ABCC3: variants seen among roughly 807,000 people sequenced by gnomAD.
The protein encoded by ABCC3 is ATP binding cassette subfamily C member 3, also known as ATP-binding cassette sub-family C member 3.
In ABCC3, 121 loss-of-function variants were observed where a neutral mutation model predicts 165.3. That is an observed-to-expected ratio of 0.73 (90% CI 0.63 to 0.85). The LOEUF is 0.85. Ranked by LOEUF, ABCC3 falls within the 40% of genes least tolerant of loss-of-function variation. The pLI, the probability that ABCC3 is intolerant of heterozygous loss-of-function variation, is 0.00. For synonymous variants in ABCC3, 733 were observed against 810.1 expected, an observed-to-expected ratio of 0.90 and a Z score of 1.62; for missense variants, 1,869 against 1,964.1, an observed-to-expected ratio of 0.95 and a Z score of 0.92.
rs773964427 is a variant in ABCC3 at position 50,635,677 on chromosome 17, G to A, written c.45+696G>A. The A allele has an allele frequency of 3.5e-5, 24 of 685,962 alleles. No homozygotes were observed. In the East Asian group the frequency reaches 6.5e-4, roughly 19 times the overall value. The allele number at this position is 685,962 out of a possible 1,614,324, so 42.5% of individuals were successfully genotyped here. ...AAAGGGAGGCCCAGAGAGAGGAAGGGACTTGCCCAAAGTTACCCAGTTCAA... is the reference window on the plus strand; with the variant it reads ...AAAGGGAGGCCCAGAGAGAGGAAGGAACTTGCCCAAAGTTACCCAGTTCAA... On this transcript the variant is annotated intron_variant, in intron 1 of 30. Transcript: ENST00000285238.
intron 1 of ABCC3, among the ~76,000 whole-genome samples, chr17:50,647,716 G>A (rs1284621855): frequency 1.3e-5 from 2 of 152,200 alleles, no homozygotes; most frequent in African/African-American, 4.8e-5. Context: ...GGGAGGTCCT[G>A]CATAAAGTCT....
At position 50,684,859 on chromosome 17, in the gene ABCC3, G is replaced by A. The variant is rs762759422; in HGVS notation, c.4264G>A (p.Gly1422Ser). Residue 1422 changes from glycine (G) to serine (S), a missense_variant, in exon 29 of 31, where the codon GGC becomes AGC. Physicochemically the swap from Gly to Ser is moderately conservative, Grantham distance 56. Coordinates refer to ENST00000285238, the MANE Select transcript of ABCC3 (RefSeq NM_003786.4). Reference sequence around the variant, plus strand: ...AGGCCTGGACTTCCAGTGCTCAGAGGGCGGGGAGAATCTCAGGTAAACACT... The same window carrying A: ...AGGCCTGGACTTCCAGTGCTCAGAGAGCGGGGAGAATCTCAGGTAAACACT... ...PAGLDFQCSE[G>S]GENLSVGQRQ... 6.2e-7 allele frequency: 1 copy of A among 1,614,070 alleles called. No individual in the cohort carries two copies. Among genetic ancestry groups the A allele is most frequent in the African/African-American group, 1.3e-5 (1 of 75,048 alleles).
chr17:50,672,080 A>C lies in ABCC3; in HGVS notation c.2242-891A>C, dbSNP rs572902281. 3.3e-5 allele frequency among the ~76,000 whole-genome samples: 5 copies of C among 152,150 alleles called. No individual in the cohort carries two copies. The South Asian group carries it at 1.0e-3, about 32-fold the overall frequency. ...GTCCCACTCCCCCAGTAACCCATTC[A>C]CGCATCAACCTATTAATCCATAAAT... is the stretch of plus-strand genomic sequence containing the variant. On this transcript the variant is annotated intron_variant, in intron 17 of 30. Coordinates refer to ENST00000285238, the MANE Select transcript of ABCC3 (RefSeq NM_003786.4).
intron 7 of ABCC3, among the ~76,000 whole-genome samples, chr17:50,660,121 G>C (rs2146610284): frequency 6.6e-6 from 1 of 152,278 alleles, no homozygotes; most frequent in African/African-American, 2.4e-5. Flanking sequence ...TCATATCACT[G>C]CACCACCCTG....
chr17:50,686,845 G>C (rs1344703381), intron 29 of ABCC3, among the ~76,000 whole-genome samples: 1 of 152,190 alleles, frequency 6.6e-6, no homozygotes, highest in Non-Finnish European at 1.5e-5. Flanking sequence ...TACTCCGGCT[G>C]TGGTGACTCA....
chr17:50,643,809 A>G, intron 1 of ABCC3: 1 of 359,716 alleles, frequency 2.8e-6, no homozygotes, highest in South Asian at 2.1e-5. Context: ...GCTGTGGGGG[A>G]AGGGAGCAAT....
At position 50,676,564 on chromosome 17, in the gene ABCC3, G is replaced by A. The variant is rs1054542360; in HGVS notation, c.3354G>A (p.Leu1118=). The A allele has an allele frequency of 6.2e-7, 1 of 1,612,722 alleles. No homozygotes were observed. Among genetic ancestry groups the A allele is most frequent in the African/African-American group, 1.3e-5 (1 of 75,002 alleles). The part of the protein sequence containing the change: ...TPLFTVVILP[L]AVLYTLVQRF... ...TCTTCACTGTGGTCATCCTGCCCCT[G>A]GCTGTGCTCTACACCTTAGTGCAGG... The change falls in exon 23 of 31, where the codon CTG becomes CTA. Residue 1118 remains leucine (L), a synonymous_variant. Transcript: ENST00000285238.
chr17:50,673,716 G>T, intron 19 of ABCC3, 58 bp downstream of exon 19: 9 of 1,567,894 alleles, frequency 5.7e-6, no homozygotes, highest in Non-Finnish European at 7.9e-6. Context: ...CCCCTGTCTG[G>T]GGTCTCTGAG....
chr17:50,658,087 G>A lies in ABCC3; in HGVS notation c.492G>A (p.Glu164=). 1 of 1,614,142 alleles carries A rather than the reference G, an allele frequency of 6.2e-7. No homozygotes were observed. ...CCCTCCACTCTCCCACCCAGGGTGA[G>A]ATCTCAGACCCCTTCCGCTTCACCA... ...SKILLAKAEG[E]ISDPFRFTTF... The change falls in exon 5 of 31, where the codon GAG becomes GAA. Residue 164 remains glutamate (E), a synonymous_variant. Transcript: ENST00000285238.
chr17:50,668,354 G>T, intron 13 of ABCC3, 76 bp from the exon 14 acceptor site: 1 of 1,317,356 alleles, frequency 7.6e-7, no homozygotes, highest in Non-Finnish European at 1.1e-6. Flanking sequence ...AGCCCAGGAT[G>T]CTGGGGATGG....
At position 50,643,464 on chromosome 17, in the gene ABCC3, A is replaced by G. The variant is rs543205325; in HGVS notation, c.45+8483A>G. Reference sequence around the variant, plus strand: ...CAACTTCTGCCCACCTGGGCCTTCAATGAAATGCCCCCAGGCAGCATGTCC... The same window carrying G: ...CAACTTCTGCCCACCTGGGCCTTCAGTGAAATGCCCCCAGGCAGCATGTCC... On this transcript the variant is annotated intron_variant, in intron 1 of 30. Coordinates refer to ENST00000285238, the MANE Select transcript of ABCC3 (RefSeq NM_003786.4). 19 of 447,846 alleles carry G rather than the reference A, an allele frequency of 4.2e-5. 1 individual carries two copies. Among genetic ancestry groups the G allele is most frequent in the South Asian group, 1.4e-4 (9 of 63,858 alleles). 27.7% of individuals were successfully genotyped at this position (447,846 alleles called of 1,614,324 possible).
intron 13 of ABCC3, 51 bp from the exon 14 acceptor site, chr17:50,668,379 T>G (rs1967570683): frequency 6.6e-7 from 1 of 1,523,304 alleles, no homozygotes; most frequent in Non-Finnish European, 9.1e-7. Context: ...AGGGTAGGGG[T>G]TGGGGGTTGG....
intron 10 of ABCC3, 108 bp from the exon 11 acceptor site, chr17:50,665,044 GC>G: frequency 1.1e-6 from 1 of 886,970 alleles, no homozygotes; most frequent in South Asian, 1.4e-5. Flanking sequence ...TTTGCTTCCT[GC>G]CCATCTACAC....
intron 10 of ABCC3, 122 bp downstream of exon 10, chr17:50,664,233 A>G: frequency 2.2e-6 from 3 of 1,347,326 alleles, no homozygotes; most frequent in Non-Finnish European, 3.1e-6. Flanking sequence ...CAGGCGGCTG[A>G]GGCAAGAGGA....
intron 1 of ABCC3, among the ~76,000 whole-genome samples, chr17:50,643,111 G>A (rs1026883596): frequency 1.3e-5 from 2 of 152,246 alleles, no homozygotes; most frequent in Admixed American, 1.3e-4. Context: ...GAAAAGCAAG[G>A]AAAGGTCAGA....
intron 19 of ABCC3, among the ~76,000 whole-genome samples, 157 bp from the exon 20 acceptor site, chr17:50,675,205 C>T (rs1235340757): frequency 6.6e-6 from 1 of 152,170 alleles, no homozygotes; most frequent in Admixed American, 6.5e-5. Context: ...TTTCTTGTTG[C>T]TTAACCCAAG....
intron 7 of ABCC3, 111 bp downstream of exon 7, chr17:50,659,479 A>C: frequency 7.5e-7 from 1 of 1,326,914 alleles, no homozygotes; most frequent in Non-Finnish European, 1.0e-6. Flanking sequence ...CAAGCAGAGC[A>C]GGACCAGGTG....
intron 3 of ABCC3, 52 bp downstream of exon 3, chr17:50,656,879 G>T: frequency 6.4e-7 from 1 of 1,569,686 alleles, no homozygotes. Context: ...ATTGGGTTGT[G>T]GACTGTGATA....
intron 22 of ABCC3, 28 bp downstream of exon 22, chr17:50,676,118 G>C (rs1389325940): frequency 1.2e-6 from 2 of 1,612,130 alleles, no homozygotes; most frequent in Non-Finnish European, 8.5e-7. Flanking sequence ...TCCAGAAGGG[G>C]CTCCAATATC....
Sources: allele counts gnomAD v4.1 joint callset (sites outside exome capture counted in the v4.1 genomes callset), GRCh38; gene constraint gnomAD v4.1.1; transcripts MANE v1.5; gene names NCBI Gene and HGNC (gene_info 2026-07-23, HGNC 2026-07-21).